MAGI3: variants seen among roughly 807,000 people sequenced by gnomAD.
The protein encoded by MAGI3 is membrane associated guanylate kinase, WW and PDZ domain containing 3.
A neutral mutation model predicts 121.8 loss-of-function variants in MAGI3; 43 were observed. The observed-to-expected ratio is 0.35, with a 90% CI of 0.28 to 0.46. MAGI3 has a LOEUF of 0.46. MAGI3 is among the 20% of genes least tolerant of loss of function. The pLI, the probability that MAGI3 is intolerant of heterozygous loss-of-function variation, is 1.00. For synonymous variants in MAGI3, 553 were observed against 639.3 expected (o/e 0.86, Z 2.04); for missense variants, 1,547 against 1,797.3 (o/e 0.86, Z 2.52).
chr1:113,602,211 T>G (rs898940821), intron 6 of MAGI3, among the ~76,000 whole-genome samples: 1 of 151,906 alleles, frequency 6.6e-6, no homozygotes, highest in Admixed American at 6.6e-5. Flanking sequence ...ACCCTAAAAC[T>G]TAAAGTATAA....
At chr1:113,576,022 A>G (rs1473803813) in intron 2 of MAGI3, among the ~76,000 whole-genome samples, 7 of 152,252 alleles carry the variant, frequency 4.6e-5, no homozygotes, top group Non-Finnish European at 1.0e-4. Flanking sequence ...AGTCTCTGCC[A>G]TGGTGGATGC....
chr1:113,460,361 T>C (rs961944734), intron 1 of MAGI3, among the ~76,000 whole-genome samples: 3 of 152,138 alleles, frequency 2.0e-5, no homozygotes, highest in African/African-American at 4.8e-5. Flanking sequence ...AAAACCGGCA[T>C]GAGACAAGGA....
chr1:113,602,095 A>G (rs887777364), intron 6 of MAGI3, among the ~76,000 whole-genome samples: 4 of 66,728 alleles, frequency 6.0e-5, no homozygotes, highest in Non-Finnish European at 1.1e-4. Flanking sequence ...GTGGGAAGGG[A>G]TAGCATTAGG....
chr1:113,612,876 A>C (rs549096005), intron 6 of MAGI3, among the ~76,000 whole-genome samples: 1 of 152,172 alleles, frequency 6.6e-6, no homozygotes. Flanking sequence ...TCAGATATCA[A>C]ATGGACTATT....
At chr1:113,418,384 C>G (rs1396643913) in intron 1 of MAGI3, among the ~76,000 whole-genome samples, 1 of 152,090 alleles carries the variant, frequency 6.6e-6, no homozygotes. Context: ...TCTGAACATG[C>G]TTTTTGCTTT....
chr1:113,404,525 A>G lies in MAGI3; in HGVS notation c.316+13176A>G, dbSNP rs765223700. 7 of 152,172 alleles carry G rather than the reference A, an allele frequency of 4.6e-5. No individual in the cohort carries two copies. The East Asian group carries it at 9.6e-4, about 21-fold the overall frequency. The allele number at this position is 152,172 out of a possible 1,614,324, so 9.4% of individuals were successfully genotyped here. On this transcript the variant is annotated intron_variant, in intron 1 of 20. Coordinates refer to ENST00000307546, the MANE Select transcript of MAGI3 (RefSeq NM_001142782.2). ...GCTTTTGAATTTCTTTATATCTACT[A>G]TATCTGTATGGTAGAAACACTATAT...
chr1:113,494,039 A>T (rs193016870), intron 1 of MAGI3, among the ~76,000 whole-genome samples: 71 of 152,348 alleles, frequency 4.7e-4, no homozygotes, highest in Admixed American at 3.7e-3. Flanking sequence ...CCAAAGATTT[A>T]TAAATCGTTC....
chr1:113,670,223 A>G (rs1481379610), intron 16 of MAGI3, among the ~76,000 whole-genome samples: 1 of 152,108 alleles, frequency 6.6e-6, no homozygotes, highest in Non-Finnish European at 1.5e-5. Context: ...TGGCTTGGCC[A>G]TATACCATTT....
chr1:113,490,889 AG>A (rs1656637185), intron 1 of MAGI3, among the ~76,000 whole-genome samples: 1 of 152,194 alleles, frequency 6.6e-6, no homozygotes, highest in Admixed American at 6.5e-5. Context: ...TCATAAAGCA[AG>A]TTCTTAGAGA....
intron 1 of MAGI3, among the ~76,000 whole-genome samples, chr1:113,423,462 G>A (rs1316345655): frequency 5.3e-5 from 8 of 151,992 alleles, no homozygotes; most frequent in South Asian, 2.1e-4. Context: ...TAGTAGAGAC[G>A]GGGTTTCACC....
rs1653623875 is a variant in MAGI3 at position 113,437,406 on chromosome 1, C to T, written c.316+46057C>T. Among the ~76,000 whole-genome samples, 3 of 151,720 alleles carry T rather than the reference C, an allele frequency of 2.0e-5. No individual in the cohort carries two copies. The South Asian group carries it at 6.2e-4, about 32-fold the overall frequency. On this transcript the variant is annotated intron_variant, in intron 1 of 20. Coordinates refer to ENST00000307546, the MANE Select transcript of MAGI3 (RefSeq NM_001142782.2). ...ATTAAATGTCTTTATTTTTCTAGAC[C>T]CTTACTCTCCTCCTTTTTTCTTTCT...
intron 1 of MAGI3, among the ~76,000 whole-genome samples, chr1:113,516,550 A>G (rs1657917779): frequency 6.6e-6 from 1 of 152,050 alleles, no homozygotes; most frequent in Non-Finnish European, 1.5e-5. Context: ...CCCAAAGTAT[A>G]AAACAAATAT....
chr1:113,456,331 A>C (rs1427444561), intron 1 of MAGI3, among the ~76,000 whole-genome samples: 1 of 152,098 alleles, frequency 6.6e-6, no homozygotes, highest in African/African-American at 2.4e-5. Context: ...AAACATAAAA[A>C]ACAACCTAAG....
chr1:113,608,050 C>G (rs143317308), intron 6 of MAGI3, among the ~76,000 whole-genome samples: 85 of 152,262 alleles, frequency 5.6e-4, no homozygotes, highest in Non-Finnish European at 1.1e-3. Context: ...CATTTTCTTG[C>G]AAGTCAGAAG....
intron 2 of MAGI3, among the ~76,000 whole-genome samples, chr1:113,554,693 A>G (rs1210647157): frequency 6.6e-6 from 1 of 152,170 alleles, no homozygotes; most frequent in Non-Finnish European, 1.5e-5. Flanking sequence ...AAAAAAAGAA[A>G]TAGTGACTGA....
At chr1:113,537,835 A>G (rs967282677) in intron 1 of MAGI3, among the ~76,000 whole-genome samples, 4 of 152,156 alleles carry the variant, frequency 2.6e-5, no homozygotes, top group African/African-American at 7.2e-5. Flanking sequence ...TTGAACAGAC[A>G]TTTTACATTT....
intron 14 of MAGI3, among the ~76,000 whole-genome samples, chr1:113,651,476 G>C (rs1571001662): frequency 6.6e-6 from 1 of 152,032 alleles, no homozygotes; most frequent in Non-Finnish European, 1.5e-5. Context: ...TGGGAGTATT[G>C]ATTTAAATCC....
At chr1:113,635,212 C>G (rs975095027) in intron 9 of MAGI3, among the ~76,000 whole-genome samples, 30 of 152,148 alleles carry the variant, frequency 2.0e-4, no homozygotes, top group Non-Finnish European at 3.7e-4. Flanking sequence ...ATTGAATACC[C>G]TTTATTTCCT....
At position 113,643,898 on chromosome 1, in the gene MAGI3, C is replaced by T. The variant is rs903514308; in HGVS notation, c.1998+124C>T. On this transcript the variant is annotated intron_variant, in intron 11 of 20. Transcript: ENST00000307546. ...CTGGGAGAAGTTAGGAGGCATGCTG[C>T]CCTTGGCTTGTATTTATTAGAAACT... The T allele has an allele frequency of 3.9e-6, 4 of 1,018,298 alleles. No individual in the cohort carries two copies. The African/African-American group carries it at 4.9e-5, about 12-fold the overall frequency. 63.1% of individuals were successfully genotyped at this position (1,018,298 alleles called of 1,614,324 possible).
Sources: gnomAD v4.1 joint callset for allele counts (sites outside exome capture counted in the v4.1 genomes callset) on GRCh38, gnomAD v4.1.1 for gene constraint, MANE v1.5 for transcripts, NCBI Gene and HGNC (gene_info 2026-07-23, HGNC 2026-07-21) for gene names.